The following SEC31B variants were observed in gnomAD, a reference collection of about 807,000 sequenced individuals.
The protein encoded by SEC31B is protein transport protein Sec31B.
In SEC31B, 113 loss-of-function variants were observed where a neutral mutation model predicts 135.0. The observed-to-expected ratio is 0.84, with a 90% CI of 0.72 to 0.98. SEC31B has a LOEUF of 0.98. Among genes scored for constraint, SEC31B ranks in the 50% least tolerant of loss-of-function variants. The pLI is 0.00. For missense variants in SEC31B, 1,296 were observed against 1,421.1 expected (o/e 0.91, Z 1.42); for synonymous variants, 508 against 549.4 (o/e 0.92, Z 1.05).
intron 1 of SEC31B, among the ~76,000 whole-genome samples, chr10:100,519,138 G>A (rs535915315): frequency 4.6e-5 from 7 of 152,318 alleles, no homozygotes; most frequent in South Asian, 2.1e-4. Flanking sequence ...TCAAGAGCCC[G>A]TATTTCTAAC....
Position 100,510,638 on chromosome 10 carries a change from G to T in SEC31B, c.204-1127C>A, listed in dbSNP as rs546411184. On this transcript the variant is annotated intron_variant, in intron 3 of 25. Transcript: ENST00000370345. ...AGGTTACAAGATCTCCAACTGCAAA[G>T]AAATATTCCCTGCGAACAGTCAGCA... is the stretch of plus-strand genomic sequence containing the variant. Among the ~76,000 whole-genome samples, 8 of 152,326 alleles carry T rather than the reference G, an allele frequency of 5.3e-5. No individual in the cohort carries two copies. In the South Asian group the frequency reaches 1.7e-3, roughly 32 times the overall value.
chr10:100,498,267 T>C (rs1589733987), intron 14 of SEC31B, 60 bp from the exon 15 acceptor site: 2 of 1,520,308 alleles, frequency 1.3e-6, no homozygotes. Flanking sequence ...TCCTGCCCCC[T>C]GCAGGGCCCA....
In SEC31B at chr10:100,505,492, A is replaced by C; in HGVS notation, c.1048T>G (p.Ser350Ala). 2 of 1,528,948 alleles carry C rather than the reference A, an allele frequency of 1.3e-6. No individual in the cohort carries two copies. The highest frequency in any genetic ancestry group is 2.6e-5 in the South Asian group (2 of 76,830). 94.7% of individuals were successfully genotyped at this position (1,528,948 alleles called of 1,614,324 possible). Reference protein sequence around the residue: ...VQHMRQADKISSSFSKGQPLP... With the variant: ...VQHMRQADKIASSFSKGQPLP... ...GGCTGGCCTTTGCTGAAGGAAGAGG[A>C]GATCTGGGGGGAAAAGACACCTGCA... The change falls in exon 10 of 26, where the codon TCC (serine) becomes GCC (alanine). Residue 350 changes from serine (S) to alanine (A), a missense_variant. Ser to Ala is a moderately conservative substitution (Grantham distance 99). Transcript: ENST00000370345.
intron 19 of SEC31B, among the ~76,000 whole-genome samples, chr10:100,491,516 A>G (rs1460066676): frequency 6.6e-6 from 1 of 152,264 alleles, no homozygotes; most frequent in Admixed American, 6.5e-5. Flanking sequence ...AGCAAATCAA[A>G]TAATGTATAT....
intron 3 of SEC31B, among the ~76,000 whole-genome samples, chr10:100,510,498 T>A (rs1851718394): frequency 6.6e-6 from 1 of 152,214 alleles, no homozygotes; most frequent in South Asian, 2.1e-4. Context: ...GCAAAGCCCC[T>A]ACGGAAGACA....
chr10:100,494,350 A>G (rs1299221412), intron 19 of SEC31B, among the ~76,000 whole-genome samples: 1 of 152,156 alleles, frequency 6.6e-6, no homozygotes, highest in African/African-American at 2.4e-5. Context: ...ATCATCCCTT[A>G]CTATAGCCTA....
At chr10:100,496,210 T>C in intron 18 of SEC31B, 48 bp downstream of exon 18, 5 of 1,588,544 alleles carry the variant, frequency 3.1e-6, no homozygotes, top group Admixed American at 3.4e-5. Context: ...CAATCAATGT[T>C]AGATGACTGA....
chr10:100,505,433 T>C lies in SEC31B; in HGVS notation c.1107A>G (p.Ala369=). 1 of 1,601,178 alleles carries C rather than the reference T, an allele frequency of 6.2e-7. No individual in the cohort carries two copies. Among genetic ancestry groups the C allele is most frequent in the Non-Finnish European group, 8.5e-7 (1 of 1,173,694 alleles). The change falls in exon 10 of 26, where the codon GCA becomes GCG. Residue 369 remains alanine (A), a synonymous_variant. Transcript: ENST00000370345. The stretch of plus-strand genomic sequence containing the variant: ...TCAGGGGAGGTATCAGTGGTGCTTG[T>C]GCCACTTGCTCTGGCACCTGCAGTG... ...LPPLQVPEQV[A]QAPLIPPLKK...
At position 100,498,224 on chromosome 10, in the gene SEC31B, C is replaced by G. The variant is rs1851450468; in HGVS notation, c.1685-17G>C. On this transcript the variant is annotated splice_polypyrimidine_tract_variant and intron_variant, in intron 14 of 25. Coordinates refer to ENST00000370345, the MANE Select transcript of SEC31B (RefSeq NM_015490.4). ...CATCAATATCTGCAGGCAGAAGCAT[C>G]CCCTGTGCATTAGTTGCTCTCAAAC... 1.9e-6 allele frequency: 3 copies of G among 1,613,710 alleles called. No homozygotes were observed. Among genetic ancestry groups the G allele is most frequent in the Non-Finnish European group, 2.5e-6 (3 of 1,179,802 alleles).
chr10:100,499,962 C>T, intron 11 of SEC31B: 2 of 412,800 alleles, frequency 4.8e-6, no homozygotes, highest in South Asian at 1.8e-5. Context: ...TTAATGTGAA[C>T]AACATGCTAT....
chr10:100,488,778 A>G (rs1851240416), intron 24 of SEC31B, 80 bp downstream of exon 24: 3 of 1,482,374 alleles, frequency 2.0e-6, no homozygotes, highest in Non-Finnish European at 1.8e-6. Context: ...AGAGTCACAC[A>G]AGGAACTGGT....
intron 7 of SEC31B, among the ~76,000 whole-genome samples, chr10:100,507,163 G>T (rs1000534964): frequency 7.2e-5 from 11 of 152,282 alleles, no homozygotes; most frequent in Middle Eastern, 3.4e-3. Flanking sequence ...GCTAAACACT[G>T]GTTCCAGTAT....
intron 3 of SEC31B, among the ~76,000 whole-genome samples, chr10:100,515,486 A>G (rs1318295566): frequency 6.6e-6 from 1 of 152,216 alleles, no homozygotes; most frequent in Non-Finnish European, 1.5e-5. Flanking sequence ...TTGGACACAG[A>G]TAGGCCTTGA....
chr10:100,491,001 C>G, intron 19 of SEC31B, 118 bp from the exon 20 acceptor site: 1 of 624,256 alleles, frequency 1.6e-6, no homozygotes, highest in South Asian at 6.3e-5. Context: ...GGAAAAAAAT[C>G]AATAAAATTG....
Position 100,516,958 on chromosome 10 carries a change from A to G in SEC31B, c.-6T>C, listed in dbSNP as rs570571275. ...TCAAGTTCCTTCAGCTTCATGGTCT[A>G]TCCTGTAGGTGGCAGAAAACTGACA... On this transcript the variant is annotated 5_prime_UTR_variant, in exon 2 of 26. Transcript: ENST00000370345. The G allele has an allele frequency of 6.2e-7, 1 of 1,613,544 alleles. No homozygotes were observed. The highest frequency in any genetic ancestry group is 2.2e-5 in the East Asian group (1 of 44,864).
At chr10:100,499,038 G>C (rs1239100649) in intron 13 of SEC31B, 122 bp downstream of exon 13, 2 of 810,260 alleles carry the variant, frequency 2.5e-6, no homozygotes, top group Non-Finnish European at 4.1e-6. Context: ...TGAGGAGTCT[G>C]AAGACTTCTA....
At chr10:100,495,604 G>A in intron 18 of SEC31B, 58 bp from the exon 19 acceptor site, 1 of 1,544,428 alleles carries the variant, frequency 6.5e-7, no homozygotes, top group Non-Finnish European at 8.8e-7. Context: ...AAGGCCCCAG[G>A]TAGCAGTCAA....
At chr10:100,518,518 G>A (rs1267301787) in intron 1 of SEC31B, among the ~76,000 whole-genome samples, 4 of 152,072 alleles carry the variant, frequency 2.6e-5, no homozygotes, top group African/African-American at 7.2e-5. Flanking sequence ...ACACTGTGTC[G>A]GCTTTTGTTC....
At chr10:100,489,652 C>A (rs753097478) in intron 22 of SEC31B, 51 bp downstream of exon 22, 1 of 1,612,724 alleles carries the variant, frequency 6.2e-7, no homozygotes, top group African/African-American at 1.3e-5. Context: ...GGAATTAGAA[C>A]GTGGTCATTG....
Sources: allele counts gnomAD v4.1 joint callset (sites outside exome capture counted in the v4.1 genomes callset), GRCh38; gene constraint gnomAD v4.1.1; transcripts MANE v1.5; gene names NCBI Gene and HGNC (gene_info 2026-07-23, HGNC 2026-07-21).